The following PDE10A variants were observed in gnomAD, a reference collection of about 807,000 sequenced individuals.
PDE10A encodes the protein phosphodiesterase 10A.
PDE10A carries 39 observed loss-of-function variants against 97.7 expected under a neutral mutation model. The observed-to-expected ratio is 0.40, with a 90% CI of 0.31 to 0.52. The LOEUF is 0.52. Ranked by LOEUF, PDE10A falls within the 20% of genes least tolerant of loss-of-function variation. PDE10A has a pLI of 0.56. For missense variants in PDE10A, 731 were observed against 1,047.8 expected (o/e 0.70, Z 4.17); for synonymous variants, 371 against 376.8 (o/e 0.98, Z 0.18).
chr6:165,423,209 A>G (rs1788850137), intron 10 of PDE10A, among the ~76,000 whole-genome samples: 1 of 152,186 alleles, frequency 6.6e-6, no homozygotes, highest in African/African-American at 2.4e-5. Flanking sequence ...AAGCCTGAAC[A>G]TTCAATGGCT....
intron 1 of PDE10A, among the ~76,000 whole-genome samples, chr6:165,928,069 CAT>C (rs1783001398): frequency 6.6e-6 from 1 of 150,554 alleles, no homozygotes. Context: ...TGTAATTAAA[CAT>C]ATTTAATATT....
chr6:165,902,573 A>G (rs551283659), intron 1 of PDE10A, among the ~76,000 whole-genome samples: 13 of 152,240 alleles, frequency 8.5e-5, no homozygotes, highest in African/African-American at 3.1e-4. Flanking sequence ...TTCAAAGAAT[A>G]GTTATCTGTG....
At chr6:165,462,796 A>G (rs1172225735) in intron 3 of PDE10A, among the ~76,000 whole-genome samples, 2 of 152,246 alleles carry the variant, frequency 1.3e-5, no homozygotes, top group Admixed American at 1.3e-4. Context: ...TCCTTCAGCA[A>G]GGGCTGACAC....
chr6:165,417,761 C>T (rs1349259697), intron 11 of PDE10A, among the ~76,000 whole-genome samples: 2 of 152,124 alleles, frequency 1.3e-5, no homozygotes, highest in East Asian at 3.9e-4. Flanking sequence ...TGGTGGGGCC[C>T]CACGGTGAGG....
intron 13 of PDE10A, among the ~76,000 whole-genome samples, chr6:165,399,349 A>T (rs952699821): frequency 1.3e-5 from 2 of 152,244 alleles, no homozygotes; most frequent in African/African-American, 2.4e-5. Flanking sequence ...ATGGAAATTC[A>T]AAGGACCTAG....
chr6:165,731,749 AGTG>A (rs1469746208), intron 1 of PDE10A, among the ~76,000 whole-genome samples: 3 of 152,182 alleles, frequency 2.0e-5, no homozygotes, highest in African/African-American at 7.2e-5. Context: ...GGACTTAGTG[AGTG>A]CTCCAGAAGA....
intron 1 of PDE10A, among the ~76,000 whole-genome samples, chr6:165,726,673 T>A (rs1402280265): frequency 6.6e-6 from 1 of 152,134 alleles, no homozygotes; most frequent in Non-Finnish European, 1.5e-5. Context: ...GAGTGTCCCA[T>A]GGTTAGACCC....
chr6:165,914,992 C>T (rs535700937), intron 1 of PDE10A, among the ~76,000 whole-genome samples: 1 of 147,976 alleles, frequency 6.8e-6, no homozygotes, highest in East Asian at 1.9e-4. Context: ...TTTCAAGGCA[C>T]AGAAACACTG....
intron 1 of PDE10A, among the ~76,000 whole-genome samples, chr6:165,708,397 A>G (rs1220137191): frequency 6.6e-6 from 1 of 151,904 alleles, no homozygotes. Flanking sequence ...CCGTTCATGC[A>G]TCTTCCCAGG....
chr6:165,865,341 G>A (rs1781012069), intron 1 of PDE10A, among the ~76,000 whole-genome samples: 2 of 152,134 alleles, frequency 1.3e-5, no homozygotes, highest in South Asian at 4.1e-4. Flanking sequence ...AGAAGCAACT[G>A]TTAAACTAGA....
chr6:165,497,836 C>T (rs1325882109), intron 2 of PDE10A, among the ~76,000 whole-genome samples: 4 of 152,230 alleles, frequency 2.6e-5, no homozygotes, highest in East Asian at 1.9e-4. Flanking sequence ...AACATATAAA[C>T]GTATCTATGA....
At chr6:165,843,772 C>G (rs779325719) in intron 1 of PDE10A, among the ~76,000 whole-genome samples, 1 of 152,170 alleles carries the variant, frequency 6.6e-6, no homozygotes, top group Non-Finnish European at 1.5e-5. Context: ...AGAAAATAAA[C>G]CCATACTAGA....
At chr6:165,794,593 A>G (rs763916790) in intron 1 of PDE10A, among the ~76,000 whole-genome samples, 5 of 151,272 alleles carry the variant, frequency 3.3e-5, no homozygotes, top group Non-Finnish European at 5.9e-5. Flanking sequence ...ACACATATTC[A>G]CTCACACACT....
chr6:165,343,340 A>G (rs1782095463), intron 19 of PDE10A, 51 bp downstream of exon 19: 4 of 1,206,380 alleles, frequency 3.3e-6, no homozygotes, highest in Non-Finnish European at 4.9e-6. Flanking sequence ...ATTGATCCAT[A>G]CGTTTTATTT....
At chr6:165,615,958 ATTCACGTTCAATAT>A in intron 1 of PDE10A, among the ~76,000 whole-genome samples, 1 of 152,314 alleles carries the variant, frequency 6.6e-6, no homozygotes, top group Admixed American at 6.5e-5. Flanking sequence ...ATTTTTATTG[ATTCACGTTCAATAT>A]TTTAACACCC....
At chr6:165,348,781 T>G (rs573559981) in intron 18 of PDE10A, among the ~76,000 whole-genome samples, 4 of 152,244 alleles carry the variant, frequency 2.6e-5, no homozygotes, top group African/African-American at 9.6e-5. Context: ...GCGGGCAGTT[T>G]CCCCCTTCCT....
In PDE10A at chr6:165,416,118, C is replaced by G. The variant is rs548042739; in HGVS notation, c.1889+71G>C. 2.0e-4 allele frequency: 202 copies of G among 996,742 alleles called. 3 individuals carry two copies. In the South Asian group the frequency reaches 2.5e-3, roughly 13 times the overall value. 61.7% of individuals were successfully genotyped at this position (996,742 alleles called of 1,614,324 possible). ...TGGGACGTGGAGAACTCAGGCTCCA[C>G]GGAAGAGGTTTCAGCTGAGTGGGAC... is the stretch of plus-strand genomic sequence containing the variant. On this transcript the variant is annotated intron_variant, in intron 12 of 21. Transcript: ENST00000539869.
chr6:165,621,320 C>T (rs1788121571), intron 1 of PDE10A, among the ~76,000 whole-genome samples: 3 of 151,670 alleles, frequency 2.0e-5, no homozygotes, highest in Admixed American at 6.6e-5. Context: ...AACTAAGCTT[C>T]GTAAACTATT....
intron 1 of PDE10A, among the ~76,000 whole-genome samples, chr6:165,643,712 A>G (rs1422241510): frequency 2.0e-5 from 3 of 152,210 alleles, no homozygotes; most frequent in Non-Finnish European, 4.4e-5. Flanking sequence ...GGGGAAAAGA[A>G]AGATCTTGGT....
Sources: allele counts gnomAD v4.1 joint callset (sites outside exome capture counted in the v4.1 genomes callset), GRCh38; gene constraint gnomAD v4.1.1; transcripts MANE v1.5; gene names NCBI Gene and HGNC (gene_info 2026-07-23, HGNC 2026-07-21).